Variants in RANBP17 observed in about 807,000 individuals in gnomAD.
RANBP17 encodes the protein ran-binding protein 17.
RANBP17 carries 158 observed loss-of-function variants against 141.2 expected under a neutral mutation model. The observed-to-expected ratio is 1.12, with a 90% CI of 0.98 to 1.28. RANBP17 has a LOEUF of 1.28. Among genes scored for constraint, RANBP17 ranks in the 50% most tolerant of loss-of-function variants. RANBP17 has a pLI of 0.00. For synonymous variants in RANBP17, 430 were observed against 450.0 expected (o/e 0.96, Z 0.56); for missense variants, 1,438 against 1,290.7 (o/e 1.11, Z -1.75).
intron 14 of RANBP17, among the ~76,000 whole-genome samples, chr5:170,978,368 T>C (rs533473608): frequency 2.6e-5 from 4 of 152,260 alleles, no homozygotes; most frequent in Non-Finnish European, 5.9e-5. Flanking sequence ...GAAATGAATT[T>C]ATATGTTTGC....
At chr5:171,174,788 G>GTT (rs1280267157) in intron 16 of RANBP17, among the ~76,000 whole-genome samples, 2 of 150,078 alleles carry the variant, frequency 1.3e-5, no homozygotes, top group Non-Finnish European at 3.0e-5. Context: ...GTGTGTGTGT[G>GTT]TGTGTATTTT....
intron 25 of RANBP17, among the ~76,000 whole-genome samples, chr5:171,279,079 TC>T (rs1258749820): frequency 2.0e-5 from 3 of 152,172 alleles, no homozygotes; most frequent in Non-Finnish European, 2.9e-5. Flanking sequence ...TCTTTCCTGG[TC>T]CCATCCCTGT....
At chr5:170,947,509 G>A (rs768738747) in intron 12 of RANBP17, among the ~76,000 whole-genome samples, 92 of 152,146 alleles carry the variant, frequency 6.0e-4, no homozygotes, top group Non-Finnish European at 1.2e-3. Context: ...TGCTGGGGGG[G>A]ATTGTATTAT....
In RANBP17 at chr5:171,125,296, CAAAAA is replaced by C. The variant is rs3083436; in HGVS notation, c.1711-44819_1711-44815del. 5.3e-3 allele frequency among the ~76,000 whole-genome samples: 454 copies of C among 85,960 alleles called. 3 individuals are homozygous for C. The highest frequency in any genetic ancestry group is 8.2e-3 in the Non-Finnish European group (375 of 45,952). 56.4% of individuals were successfully genotyped at this position (85,960 alleles called of 152,430 possible). A position where few individuals can be genotyped will look rare whatever the true frequency, so the allele number is the denominator to read the frequency against. On this transcript the variant is annotated intron_variant, in intron 14 of 27. Coordinates refer to ENST00000523189, the MANE Select transcript of RANBP17 (RefSeq NM_022897.5). ...TGGGTGACAGAGTGAGACTATGTATCAAAAAAAAAAAAAAAAAAAGAAAGTGAAGG... is the reference window on the plus strand; with the variant it reads ...TGGGTGACAGAGTGAGACTATGTATCAAAAAAAAAAAAAAGAAAGTGAAGG...
At chr5:171,261,068 T>C (rs1199828907) in intron 24 of RANBP17, among the ~76,000 whole-genome samples, 2 of 132,618 alleles carry the variant, frequency 1.5e-5, no homozygotes, top group Non-Finnish European at 3.1e-5. Flanking sequence ...TTTTACACAT[T>C]AGCTTCACCC....
Position 171,010,245 on chromosome 5 carries a change from C to T in RANBP17, c.1710+41868C>T, listed in dbSNP as rs188314986. Among the ~76,000 whole-genome samples, 16 of 152,276 alleles carry T rather than the reference C, an allele frequency of 1.1e-4. No homozygotes were observed. The East Asian group carries it at 2.9e-3, about 28-fold the overall frequency. ...GGAGATGGACTTTAGAGTTCCCACC[C>T]TGCTAAAATAGAGGAACTTGGTAAA... On this transcript the variant is annotated intron_variant, in intron 14 of 27. Transcript: ENST00000523189.
intron 20 of RANBP17, among the ~76,000 whole-genome samples, chr5:171,212,372 T>G (rs1412113016): frequency 6.6e-6 from 1 of 151,944 alleles, no homozygotes; most frequent in African/African-American, 2.4e-5. Flanking sequence ...AGAGAAAACA[T>G]CCCATGGGAG....
At chr5:171,002,166 G>T (rs540889426) in intron 14 of RANBP17, among the ~76,000 whole-genome samples, 9 of 152,206 alleles carry the variant, frequency 5.9e-5, no homozygotes, top group African/African-American at 1.9e-4. Context: ...CATGGAAGAG[G>T]TTATGAAATG....
intron 25 of RANBP17, among the ~76,000 whole-genome samples, chr5:171,290,764 G>A (rs1768445881): frequency 6.6e-6 from 1 of 152,184 alleles, no homozygotes; most frequent in Non-Finnish European, 1.5e-5. Flanking sequence ...TCATTTATCT[G>A]TATCTAATCA....
At chr5:170,908,536 A>G (rs13188474) in intron 5 of RANBP17, among the ~76,000 whole-genome samples, 94,739 of 150,236 alleles carry the variant, frequency 0.63, 30,850 homozygotes, top group South Asian at 0.9. Context: ...AGAAAGGGGT[A>G]AAGGTTGAAA....
chr5:171,155,094 A>AATATATATATATAT (rs1554106866), intron 14 of RANBP17, among the ~76,000 whole-genome samples: 1 of 74,988 alleles, frequency 1.3e-5, no homozygotes, highest in African/African-American at 5.2e-5. Flanking sequence ...AAAAAAAAAA[A>AATATATATATATAT]ATATATATAT....
chr5:171,024,775 G>A (rs1244184677), intron 14 of RANBP17, among the ~76,000 whole-genome samples: 1 of 151,164 alleles, frequency 6.6e-6, no homozygotes, highest in Non-Finnish European at 1.5e-5. Context: ...TTAGGGCTAG[G>A]TTTCATGTCT....
chr5:171,215,328 C>T (rs1319514685), intron 21 of RANBP17, among the ~76,000 whole-genome samples: 1 of 152,032 alleles, frequency 6.6e-6, no homozygotes, highest in African/African-American at 2.4e-5. Context: ...GGGTTGGTTC[C>T]AATCTTCGCT....
At chr5:171,113,942 G>C (rs1470296165) in intron 14 of RANBP17, among the ~76,000 whole-genome samples, 2 of 152,080 alleles carry the variant, frequency 1.3e-5, no homozygotes, top group African/African-American at 4.8e-5. Flanking sequence ...CTTATAAAAT[G>C]TAAAACAGCA....
At chr5:171,240,236 ATGCTAAC>A (rs1391595360) in intron 22 of RANBP17, among the ~76,000 whole-genome samples, 2 of 152,190 alleles carry the variant, frequency 1.3e-5, no homozygotes, top group East Asian at 1.9e-4. Context: ...TTGATTGTAA[ATGCTAAC>A]TGTACTACAG....
chr5:171,118,967 AGAGT>A lies in RANBP17; in HGVS notation c.1711-51159_1711-51156del, dbSNP rs1194438792. 2.0e-5 allele frequency among the ~76,000 whole-genome samples: 3 copies of A among 152,254 alleles called. No homozygotes were observed. The East Asian group carries it at 5.8e-4, about 29-fold the overall frequency. On this transcript the variant is annotated intron_variant, in intron 14 of 27. Transcript: ENST00000523189. Reference sequence around the variant, plus strand: ...TACGACTTCAGTGCTATGTTGAATAAGAGTGAGAGTGGAAACCCTTGTCTTGTTC... The same window carrying A: ...TACGACTTCAGTGCTATGTTGAATAAGAGAGTGGAAACCCTTGTCTTGTTC...
At chr5:170,862,108 C>G in intron 1 of RANBP17, 57 bp downstream of exon 1, 2 of 1,416,928 alleles carry the variant, frequency 1.4e-6, no homozygotes, top group South Asian at 1.5e-5. Flanking sequence ...CCCGGCGGGA[C>G]GCGTCTGGAG....
intron 1 of RANBP17, among the ~76,000 whole-genome samples, chr5:170,864,293 T>C (rs1293603063): frequency 6.6e-6 from 1 of 152,120 alleles, no homozygotes; most frequent in Non-Finnish European, 1.5e-5. Flanking sequence ...AGAAGCAGAT[T>C]TGTGTAGGGT....
chr5:170,901,638 T>A (rs1177643417), intron 5 of RANBP17, among the ~76,000 whole-genome samples: 1 of 152,252 alleles, frequency 6.6e-6, no homozygotes, highest in East Asian at 1.9e-4. Flanking sequence ...CAATTTGGTA[T>A]GTTTTTGCAG....
Sources: gnomAD v4.1 joint callset for allele counts (sites outside exome capture counted in the v4.1 genomes callset) on GRCh38, gnomAD v4.1.1 for gene constraint, MANE v1.5 for transcripts, NCBI Gene and HGNC (gene_info 2026-07-23, HGNC 2026-07-21) for gene names.